The following MARCHF3 variants were observed in gnomAD, a reference collection of about 807,000 sequenced individuals.
The protein encoded by MARCHF3 is membrane associated ring-CH-type finger 3.
Under a neutral mutation model 24.2 loss-of-function variants are expected in MARCHF3, and 13 were observed. The observed-to-expected ratio is 0.54, with a 90% CI of 0.35 to 0.85. MARCHF3 has a LOEUF of 0.85. Ranked by LOEUF, MARCHF3 falls within the 40% of genes least tolerant of loss-of-function variation. The pLI is 0.01. For synonymous variants in MARCHF3, 144 were observed against 137.3 expected (o/e 1.05, Z -0.34); for missense variants, 276 against 325.0 (o/e 0.85, Z 1.16).
chr5:127,014,928 G>A (rs908568248), intron 1 of MARCHF3, among the ~76,000 whole-genome samples: 5 of 152,104 alleles, frequency 3.3e-5, no homozygotes, highest in Non-Finnish European at 5.9e-5. Flanking sequence ...AATGACTATA[G>A]TTAACAATGA....
chr5:126,881,048 T>C (rs1432690291), intron 3 of MARCHF3, among the ~76,000 whole-genome samples: 4 of 152,208 alleles, frequency 2.6e-5, no homozygotes, highest in African/African-American at 9.6e-5. Context: ...AATCAGTGTT[T>C]ATCTCTGCCA....
chr5:126,889,242 T>A (rs1753595891), intron 3 of MARCHF3, among the ~76,000 whole-genome samples: 1 of 152,056 alleles, frequency 6.6e-6, no homozygotes, highest in Non-Finnish European at 1.5e-5. Flanking sequence ...AAGTACATGA[T>A]CATGGGATAC....
chr5:126,972,578 C>A (rs565737217), intron 1 of MARCHF3, among the ~76,000 whole-genome samples: 4 of 152,152 alleles, frequency 2.6e-5, no homozygotes, highest in Non-Finnish European at 4.4e-5. Context: ...GGTGTTGATG[C>A]CATTCATTAA....
intron 1 of MARCHF3, among the ~76,000 whole-genome samples, chr5:126,971,481 A>G (rs1450582356): frequency 6.6e-6 from 1 of 151,748 alleles, no homozygotes; most frequent in Non-Finnish European, 1.5e-5. Flanking sequence ...AAGAAAAAAC[A>G]AATGTTCTAT....
intron 1 of MARCHF3, among the ~76,000 whole-genome samples, chr5:126,941,541 A>C (rs146598247): frequency 5.3e-5 from 8 of 152,206 alleles, no homozygotes; most frequent in Non-Finnish European, 7.4e-5. Context: ...AAGTCAAAGT[A>C]TGTGTCATAT....
intron 1 of MARCHF3, among the ~76,000 whole-genome samples, chr5:126,959,708 A>G (rs539252288): frequency 6.6e-6 from 1 of 152,282 alleles, no homozygotes; most frequent in African/African-American, 2.4e-5. Context: ...CTGTCACTAC[A>G]AAACTGTTCT....
At chr5:127,009,451 T>C (rs1752412837) in intron 1 of MARCHF3, among the ~76,000 whole-genome samples, 1 of 152,236 alleles carries the variant, frequency 6.6e-6, no homozygotes, top group African/African-American at 2.4e-5. Flanking sequence ...TTGTGTCTCA[T>C]TTATAGTACC....
At chr5:126,919,805 T>A (rs572417558) in intron 1 of MARCHF3, among the ~76,000 whole-genome samples, 79 of 152,280 alleles carry the variant, frequency 5.2e-4, no homozygotes, top group African/African-American at 1.7e-3. Context: ...CCCACCCTCA[T>A]TGGCTGCCTG....
rs140830493 is a variant in MARCHF3, at chr5:126,873,132, T to C, written c.604-2341A>G. Among the ~76,000 whole-genome samples, 3 of 152,266 alleles carry C rather than the reference T, an allele frequency of 2.0e-5. No homozygotes were observed. In the East Asian group the frequency reaches 5.8e-4, roughly 29 times the overall value. On this transcript the variant is annotated intron_variant, in intron 4 of 4. Transcript: ENST00000308660. ...CTGGCATTAGTAATTGGAGAAGTAG[T>C]TATGAGTGCAGGCCGCAGGCTCCGG...
intron 3 of MARCHF3, among the ~76,000 whole-genome samples, chr5:126,884,208 C>T (rs558498488): frequency 1.3e-5 from 2 of 152,292 alleles, no homozygotes; most frequent in South Asian, 4.1e-4. Flanking sequence ...AGTTGAAAAT[C>T]ATGCTTTTCA....
intron 1 of MARCHF3, among the ~76,000 whole-genome samples, chr5:126,977,796 G>T (rs1751254593): frequency 6.6e-6 from 1 of 152,308 alleles, no homozygotes; most frequent in East Asian, 1.9e-4. Context: ...ACACTATTCG[G>T]CCATTCCGAA....
intron 3 of MARCHF3, among the ~76,000 whole-genome samples, chr5:126,882,708 G>T (rs576909411): frequency 6.6e-6 from 1 of 152,164 alleles, no homozygotes; most frequent in East Asian, 1.9e-4. Flanking sequence ...TCTAGCACGT[G>T]GCCTGCCTCA....
intron 1 of MARCHF3, among the ~76,000 whole-genome samples, chr5:126,933,613 T>G (rs1051430926): frequency 1.3e-5 from 2 of 151,930 alleles, no homozygotes; most frequent in Non-Finnish European, 2.9e-5. Context: ...CTCGGCTAAT[T>G]TTTTGTATTT....
At chr5:126,970,220 T>C (rs1750959224) in intron 1 of MARCHF3, among the ~76,000 whole-genome samples, 1 of 152,174 alleles carries the variant, frequency 6.6e-6, no homozygotes, top group Non-Finnish European at 1.5e-5. Flanking sequence ...CCCAGATAGC[T>C]GGGATTACGG....
intron 2 of MARCHF3, 37 bp downstream of exon 2, chr5:126,917,946 AT>A: frequency 1.9e-6 from 3 of 1,588,564 alleles, no homozygotes; most frequent in Admixed American, 1.7e-5. Context: ...AGTTCTCTGG[AT>A]CAATTACAGA....
intron 1 of MARCHF3, among the ~76,000 whole-genome samples, chr5:126,938,256 C>T (rs912067161): frequency 2.7e-5 from 4 of 150,922 alleles, no homozygotes; most frequent in African/African-American, 9.8e-5. Context: ...CAATCTCTGC[C>T]TCCCAGGTTC....
At chr5:126,894,268 T>C (rs1436388647) in intron 3 of MARCHF3, among the ~76,000 whole-genome samples, 16 of 146,122 alleles carry the variant, frequency 1.1e-4, no homozygotes, top group African/African-American at 4.1e-4. Context: ...TGTCTTTTAA[T>C]TGGAGCATTT....
chr5:126,988,750 T>C (rs1045606806), intron 1 of MARCHF3, among the ~76,000 whole-genome samples: 2 of 152,214 alleles, frequency 1.3e-5, no homozygotes, highest in Admixed American at 6.5e-5. Flanking sequence ...TTATTATTAC[T>C]ACTATTACAT....
At chr5:126,926,146 AG>A (rs1421502569) in intron 1 of MARCHF3, among the ~76,000 whole-genome samples, 2 of 152,190 alleles carry the variant, frequency 1.3e-5, no homozygotes, top group African/African-American at 4.8e-5. Flanking sequence ...AACCAGTATT[AG>A]CTAGACAGAT....
Sources: gnomAD v4.1 joint callset for allele counts (sites outside exome capture counted in the v4.1 genomes callset) on GRCh38, gnomAD v4.1.1 for gene constraint, MANE v1.5 for transcripts, NCBI Gene and HGNC (gene_info 2026-07-23, HGNC 2026-07-21) for gene names.